Variants in TBCD observed in about 807,000 individuals in gnomAD.
TBCD encodes tubulin-specific chaperone D.
TBCD carries 105 observed loss-of-function variants against 169.3 expected under a neutral mutation model. That is an observed-to-expected ratio of 0.62 (90% CI 0.53 to 0.73). The LOEUF is 0.73. TBCD is among the 30% of genes least tolerant of loss of function. The probability of loss-of-function intolerance (pLI) is 0.00; values close to 1 mark genes in which losing one functional copy is unlikely to be tolerated. For synonymous variants in TBCD, 700 were observed against 643.9 expected (o/e 1.09, Z -1.32); for missense variants, 1,444 against 1,600.1 (o/e 0.90, Z 1.66).
At chr17:82,866,265 C>A (rs1246879595) in intron 13 of TBCD, among the ~76,000 whole-genome samples, 1 of 152,126 alleles carries the variant, frequency 6.6e-6, no homozygotes, top group Non-Finnish European at 1.5e-5. Flanking sequence ...CCCTTTATCC[C>A]GAGCAGGAGA....
intron 1 of TBCD, among the ~76,000 whole-genome samples, chr17:82,753,723 G>C (rs1422122599): frequency 6.6e-6 from 1 of 151,192 alleles, no homozygotes. Flanking sequence ...AAAGTGTTGA[G>C]ATTACAGGTG....
intron 17 of TBCD, among the ~76,000 whole-genome samples, chr17:82,899,262 T>C (rs543876767): frequency 3.3e-4 from 46 of 137,666 alleles, no homozygotes; most frequent in African/African-American, 4.9e-4. Flanking sequence ...GTCCTCAGCG[T>C]GCGTGTCCTC....
intron 33 of TBCD, among the ~76,000 whole-genome samples, chr17:82,931,012 G>C (rs944552629): frequency 6.6e-6 from 1 of 152,208 alleles, no homozygotes; most frequent in South Asian, 2.1e-4. Context: ...TCAGCCACCC[G>C]GCAAGTGAGA....
At chr17:82,797,456 A>G (rs1039921316) in intron 7 of TBCD, among the ~76,000 whole-genome samples, 1 of 152,204 alleles carries the variant, frequency 6.6e-6, no homozygotes, top group Non-Finnish European at 1.5e-5. Flanking sequence ...AGTGCCCTGA[A>G]CTTAAACCTG....
At chr17:82,854,544 T>C (rs553142174) in intron 13 of TBCD, among the ~76,000 whole-genome samples, 48 of 152,322 alleles carry the variant, frequency 3.2e-4, no homozygotes, top group African/African-American at 1.1e-3. Context: ...TGCAGGTTAC[T>C]TGTATGGGGG....
chr17:82,872,729 C>T (rs926435082), intron 14 of TBCD, among the ~76,000 whole-genome samples: 48 of 152,280 alleles, frequency 3.2e-4, no homozygotes, highest in Admixed American at 3.1e-3. Flanking sequence ...GTTTCCTTAG[C>T]AACCCTGAGA....
intron 18 of TBCD, among the ~76,000 whole-genome samples, chr17:82,902,070 C>T (rs138816229): frequency 1.4e-4 from 22 of 152,316 alleles, no homozygotes; most frequent in East Asian, 1.4e-3. Flanking sequence ...TCAGTTCTGT[C>T]GGCCTTTCCT....
chr17:82,941,709 G>A (rs2063295111), intron 38 of TBCD: 2 of 535,534 alleles, frequency 3.7e-6, no homozygotes, highest in Non-Finnish European at 6.6e-6. Context: ...TGGGGCGTTT[G>A]GGGGGCCGGG....
At chr17:82,818,920 T>C (rs554027851) in intron 13 of TBCD, among the ~76,000 whole-genome samples, 1 of 151,964 alleles carries the variant, frequency 6.6e-6, no homozygotes, top group Non-Finnish European at 1.5e-5. Context: ...TACAAGGATG[T>C]GGTGGTGCAT....
chr17:82,907,076 G>C (rs1397428420), intron 20 of TBCD, among the ~76,000 whole-genome samples: 1 of 152,238 alleles, frequency 6.6e-6, no homozygotes, highest in Non-Finnish European at 1.5e-5. Flanking sequence ...GTCTGGCCAC[G>C]TGGGCACCTC....
intron 9 of TBCD, among the ~76,000 whole-genome samples, chr17:82,801,433 C>CGT (rs2050510157): frequency 6.6e-6 from 1 of 152,048 alleles, no homozygotes; most frequent in African/African-American, 2.4e-5. Flanking sequence ...AGGAAGGTGG[C>CGT]GTGTGCGTCG....
chr17:82,801,529 G>A (rs533746461), intron 9 of TBCD, among the ~76,000 whole-genome samples: 39 of 145,036 alleles, frequency 2.7e-4, no homozygotes, highest in Admixed American at 8.9e-4. Context: ...CATGTGTGTC[G>A]TCGTGTGGCT....
intron 5 of TBCD, among the ~76,000 whole-genome samples, chr17:82,770,868 G>A (rs529472197): frequency 6.6e-6 from 1 of 151,954 alleles, no homozygotes; most frequent in African/African-American, 2.4e-5. Context: ...ACAAAAATTA[G>A]CCGGGAATGG....
intron 3 of TBCD, 128 bp downstream of exon 3, chr17:82,764,190 T>C: frequency 1.3e-6 from 1 of 745,880 alleles, no homozygotes; most frequent in Non-Finnish European, 2.2e-6. Flanking sequence ...TTTAATTCTG[T>C]CCCTTTTTAC....
Position 82,941,502 on chromosome 17 carries a change from C to T in TBCD, c.3564+19C>T, listed in dbSNP as rs769116197. On this transcript the variant is annotated intron_variant, in intron 38 of 38. Transcript: ENST00000355528. The stretch of plus-strand genomic sequence containing the variant: ...GCCCCAGGTAACCCTGTCACCTTCA[C>T]AGCATGAGGTGCCTGTGCTTCCCTG... 5 of 1,567,978 alleles carry T rather than the reference C, an allele frequency of 3.2e-6. No homozygotes were observed. The highest frequency in any genetic ancestry group is 3.5e-6 in the Non-Finnish European group (4 of 1,155,728).
intron 13 of TBCD, among the ~76,000 whole-genome samples, chr17:82,827,250 G>A (rs1567843085): frequency 6.6e-6 from 1 of 152,242 alleles, no homozygotes; most frequent in African/African-American, 2.4e-5. Context: ...TCAGTCCTGT[G>A]AAGTGATGCG....
chr17:82,917,852 CT>C (rs1209629590), intron 23 of TBCD, among the ~76,000 whole-genome samples: 6 of 152,204 alleles, frequency 3.9e-5, no homozygotes, highest in Non-Finnish European at 8.8e-5. Context: ...GTGGCGCCCC[CT>C]GGAGTCAGCC....
chr17:82,849,975 G>A (rs1567886717), intron 13 of TBCD, among the ~76,000 whole-genome samples: 1 of 150,514 alleles, frequency 6.6e-6, no homozygotes, highest in African/African-American at 2.5e-5. Flanking sequence ...TGGCTGTGCT[G>A]CTGTTGGCTG....
intron 15 of TBCD, among the ~76,000 whole-genome samples, chr17:82,885,591 C>CAGTA (rs1447406173): frequency 8.5e-5 from 13 of 152,088 alleles, no homozygotes; most frequent in African/African-American, 3.1e-4. Context: ...TACCCAAAGG[C>CAGTA]AGTAAATGTA....
Sources: allele counts gnomAD v4.1 joint callset (sites outside exome capture counted in the v4.1 genomes callset), GRCh38; gene constraint gnomAD v4.1.1; transcripts MANE v1.5; gene names NCBI Gene and HGNC (gene_info 2026-07-23, HGNC 2026-07-21).